Variants in RGS7 observed in about 807,000 individuals in gnomAD.
RGS7 encodes the protein regulator of G protein signaling 7.
RGS7 carries 27 observed loss-of-function variants against 81.1 expected under a neutral mutation model. The observed-to-expected ratio is 0.33, with a 90% CI of 0.25 to 0.46. The LOEUF (loss-of-function observed/expected upper bound fraction) is 0.46, where lower values mean the gene tolerates loss of function less well. Among genes scored for constraint, RGS7 ranks in the 20% least tolerant of loss-of-function variants. RGS7 has a pLI of 1.00. For missense variants in RGS7, 396 were observed against 607.4 expected, an observed-to-expected ratio of 0.65 and a Z score of 3.66; for synonymous variants, 208 against 207.7, an observed-to-expected ratio of 1.00 and a Z score of -0.01.
At chr1:241,213,767 A>AT (rs979349123) in intron 2 of RGS7, among the ~76,000 whole-genome samples, 2 of 152,148 alleles carry the variant, frequency 1.3e-5, no homozygotes, top group Non-Finnish European at 1.5e-5. Flanking sequence ...ATTTTAAATA[A>AT]TTTTTTAAAA....
At chr1:241,065,162 GC>G (rs1342715740) in intron 3 of RGS7, among the ~76,000 whole-genome samples, 2 of 148,956 alleles carry the variant, frequency 1.3e-5, no homozygotes, top group Admixed American at 1.3e-4. Flanking sequence ...GGGGACAATA[GC>G]AAAAAATAAT....
At position 241,191,566 on chromosome 1, in the gene RGS7, G is replaced by T. The variant is rs112592804; in HGVS notation, c.79-92804C>A. 4.6e-3 allele frequency among the ~76,000 whole-genome samples: 695 copies of T among 152,160 alleles called. 6 individuals carry two copies. The highest frequency in any genetic ancestry group is 0.016 in the African/African-American group (661 of 41,530). On this transcript the variant is annotated intron_variant, in intron 2 of 18. Coordinates refer to ENST00000440928, the MANE Select transcript of RGS7 (RefSeq NM_001364886.1). Reference sequence around the variant, plus strand: ...TATTTAGGAGATACATCGCTCTTTAGTTTCCTTTTTTGAACTGCCTTTGGT... The same window carrying T: ...TATTTAGGAGATACATCGCTCTTTATTTTCCTTTTTTGAACTGCCTTTGGT...
At chr1:240,901,826 C>A (rs1012288089) in intron 6 of RGS7, among the ~76,000 whole-genome samples, 1 of 152,182 alleles carries the variant, frequency 6.6e-6, no homozygotes, top group African/African-American at 2.4e-5. Flanking sequence ...TTCTCCCAGA[C>A]CTCTGCAGGC....
intron 2 of RGS7, among the ~76,000 whole-genome samples, chr1:241,227,059 C>T (rs548818812): frequency 8.5e-5 from 13 of 152,128 alleles, no homozygotes; most frequent in Non-Finnish European, 1.6e-4. Flanking sequence ...ACTGACAATA[C>T]GAAGGTTGGC....
intron 2 of RGS7, among the ~76,000 whole-genome samples, chr1:241,189,916 C>CATCCTGGCCAA (rs1558171073): frequency 1.3e-5 from 2 of 151,674 alleles, no homozygotes; most frequent in African/African-American, 2.4e-5. Flanking sequence ...GAGATCGAGC[C>CATCCTGGCCAA]CACGGTGAAA....
intron 2 of RGS7, among the ~76,000 whole-genome samples, chr1:241,259,345 C>A (rs576800479): frequency 2.0e-5 from 3 of 152,000 alleles, no homozygotes; most frequent in South Asian, 4.2e-4. Context: ...CCACAAAGAA[C>A]AAAATTAGGA....
At chr1:241,214,703 T>A (rs2074447729) in intron 2 of RGS7, among the ~76,000 whole-genome samples, 2 of 152,290 alleles carry the variant, frequency 1.3e-5, no homozygotes, top group South Asian at 2.1e-4. Flanking sequence ...AATCTTTTTT[T>A]AAATTTGTGA....
chr1:241,116,232 T>C (rs1160777228), intron 2 of RGS7, among the ~76,000 whole-genome samples: 1 of 152,172 alleles, frequency 6.6e-6, no homozygotes, highest in South Asian at 2.1e-4. Flanking sequence ...ATTTTAGAAA[T>C]TTTTATTGTG....
intron 2 of RGS7, among the ~76,000 whole-genome samples, chr1:241,101,680 T>C (rs760479957): frequency 5.3e-5 from 8 of 152,208 alleles, no homozygotes; most frequent in Non-Finnish European, 1.2e-4. Context: ...TTTATTTTGT[T>C]ACTATTTGTT....
chr1:241,250,303 G>A (rs2076766903), intron 2 of RGS7, among the ~76,000 whole-genome samples: 1 of 152,134 alleles, frequency 6.6e-6, no homozygotes, highest in South Asian at 2.1e-4. Context: ...AGGAATCAGA[G>A]TAAACTTAAA....
rs950745440 is a variant in RGS7, at chr1:241,136,110, G to A, written c.79-37348C>T. ...TAAAATGTATCAAATCAGATCTATC[G>A]TCCACCACATCCCTCCTTCACTAGC... is the stretch of plus-strand genomic sequence containing the variant. On this transcript the variant is annotated intron_variant, in intron 2 of 18. Transcript: ENST00000440928. Among the ~76,000 whole-genome samples, 64 of 152,086 alleles carry A rather than the reference G, an allele frequency of 4.2e-4. 1 individual carries two copies. The highest frequency in any genetic ancestry group is 1.4e-3 in the African/African-American group (59 of 41,412).
rs182245952 is a variant in RGS7 at position 241,265,945 on chromosome 1, C to T, written c.78+89754G>A. Among the ~76,000 whole-genome samples, 413 of 152,156 alleles carry T rather than the reference C, an allele frequency of 2.7e-3. 4 individuals carry two copies. Among genetic ancestry groups the T allele is most frequent in the African/African-American group, 9.1e-3 (378 of 41,508 alleles). ...GAGTAGCTGGGATTACAGGCATATA[C>T]CACCATGCCCAGCTAATTTTGTATT... is the stretch of plus-strand genomic sequence containing the variant. On this transcript the variant is annotated intron_variant, in intron 2 of 18. Transcript: ENST00000440928.
chr1:240,859,485 C>T (rs1437205240), intron 9 of RGS7, among the ~76,000 whole-genome samples: 2 of 117,228 alleles, frequency 1.7e-5, no homozygotes, highest in Non-Finnish European at 3.4e-5. Context: ...TCTAGGCCTT[C>T]AAATTTCTGG....
intron 4 of RGS7, among the ~76,000 whole-genome samples, chr1:240,946,698 AT>A (rs1678667074): frequency 1.3e-5 from 2 of 152,202 alleles, no homozygotes; most frequent in Admixed American, 1.3e-4. Context: ...AGACAGCTTT[AT>A]TTCCAGAATT....
chr1:241,221,471 G>A lies in RGS7; in HGVS notation c.79-122709C>T, dbSNP rs1241800373. 4.6e-5 allele frequency among the ~76,000 whole-genome samples: 7 copies of A among 152,176 alleles called. No individual in the cohort carries two copies. In the South Asian group the frequency reaches 1.2e-3, roughly 27 times the overall value. ...TGACTGAGAATAGTCAGTGGAATACGGGCAGATGTAAATATCACATCCAGA... is the reference window on the plus strand; with the variant it reads ...TGACTGAGAATAGTCAGTGGAATACAGGCAGATGTAAATATCACATCCAGA... On this transcript the variant is annotated intron_variant, in intron 2 of 18. Transcript: ENST00000440928.
At chr1:241,320,026 GGT>G (rs2081119150) in intron 2 of RGS7, among the ~76,000 whole-genome samples, 1 of 152,280 alleles carries the variant, frequency 6.6e-6, no homozygotes, top group South Asian at 2.1e-4. Context: ...GGGAGGCGGA[GGT>G]TGCAGTGAGC....
At position 240,881,145 on chromosome 1, in the gene RGS7, A is replaced by AT. The variant is rs1558403878; in HGVS notation, c.386-11027dup. ...GATAATTATGTTCTTTAAAAACAGC[A>AT]TTTTCATGGAATATGATGCAGCCAT... is the stretch of plus-strand genomic sequence containing the variant. On this transcript the variant is annotated intron_variant, in intron 6 of 18. Transcript: ENST00000440928. Among the ~76,000 whole-genome samples the AT allele has an allele frequency of 2.0e-5, 3 of 152,280 alleles. No homozygotes were observed. In the East Asian group the frequency reaches 5.8e-4, roughly 29 times the overall value.
intron 4 of RGS7, among the ~76,000 whole-genome samples, chr1:240,966,659 C>G (rs1159650000): frequency 1.3e-5 from 2 of 152,164 alleles, no homozygotes; most frequent in African/African-American, 4.8e-5. Flanking sequence ...TGGGCAACCG[C>G]TCTCCTTGCT....
intron 2 of RGS7, among the ~76,000 whole-genome samples, chr1:241,129,573 G>C (rs552177487): frequency 3.9e-5 from 6 of 152,276 alleles, no homozygotes; most frequent in African/African-American, 1.4e-4. Flanking sequence ...ACAACAGCTA[G>C]AATTGCATTA....
Sources: gnomAD v4.1 joint callset for allele counts (sites outside exome capture counted in the v4.1 genomes callset) on GRCh38, gnomAD v4.1.1 for gene constraint, MANE v1.5 for transcripts, NCBI Gene and HGNC (gene_info 2026-07-23, HGNC 2026-07-21) for gene names.